The following AGBL2 variants were observed in gnomAD, a reference collection of about 807,000 sequenced individuals.
AGBL2 encodes the protein AGBL carboxypeptidase 2.
In AGBL2, 87 loss-of-function variants were observed where a neutral mutation model predicts 103.0. The ratio of observed to expected loss-of-function variants is 0.84; its 90% CI spans 0.71 to 1.01. The LOEUF is 1.01. AGBL2 is among the 50% of genes least tolerant of loss of function. The probability of loss-of-function intolerance (pLI) is 0.00; values close to 1 mark genes in which losing one functional copy is unlikely to be tolerated. For synonymous variants in AGBL2, 335 were observed against 356.7 expected (o/e 0.94, Z 0.69); for missense variants, 904 against 1,023.5 (o/e 0.88, Z 1.59).
chr11:47,684,214 A>G (rs926942853), intron 11 of AGBL2, among the ~76,000 whole-genome samples: 1 of 151,872 alleles, frequency 6.6e-6, no homozygotes, highest in Non-Finnish European at 1.5e-5. Context: ...CGGAGGTTGC[A>G]GTGAGTGGAG....
At chr11:47,709,380 CA>C (rs1241612915) in intron 4 of AGBL2, among the ~76,000 whole-genome samples, 2 of 88,676 alleles carry the variant, frequency 2.3e-5, no homozygotes, top group Non-Finnish European at 4.4e-5. Context: ...TGGGGATAAG[CA>C]GGGGGGGTTG....
intron 14 of AGBL2, among the ~76,000 whole-genome samples, chr11:47,676,311 A>C (rs1299461524): frequency 3.3e-5 from 5 of 152,208 alleles, no homozygotes; most frequent in Non-Finnish European, 7.4e-5. Flanking sequence ...TAATTTCAAA[A>C]TATATCTAGA....
At position 47,660,216 on chromosome 11, in the gene AGBL2, G is replaced by A. The variant is rs1246263429; in HGVS notation, c.2666C>T (p.Ala889Val). ...GTGCAAGGATGGGTATGCCGCCATG[G>A]CAGCACAGCCTCTCTTTGTGGCAGG... ...RYPATKRGCA[A>V]MAAYPSLHIY... is the part of the protein sequence containing the mutation. The change falls in exon 19 of 19, where the codon GCC becomes GTC. Residue 889 changes from alanine to valine, a missense_variant. Physicochemically the swap from Ala to Val is moderately conservative, Grantham distance 64. Transcript: ENST00000525123. 3 of 1,614,186 alleles carry A rather than the reference G, an allele frequency of 1.9e-6. No individual in the cohort carries two copies.
chr11:47,690,645 C>G lies in AGBL2; in HGVS notation c.1062G>C (p.Arg354Ser), dbSNP rs267602909. The change falls in exon 10 of 19, where the codon AGG (arginine) becomes AGC (serine). Residue 354 changes from arginine to serine, a missense_variant. By Grantham distance (110) the Arg-to-Ser change is moderately radical. Transcript: ENST00000525123. ...AGTACTTGATTTCATTTCCTTCTCT[C>G]CTCCAGCCAATATTGCGGGTGTTGG... The part of the protein sequence containing the change: ...LDANTRNIGW[R>S]REGNEIKYYK... 3 of 1,614,042 alleles carry G rather than the reference C, an allele frequency of 1.9e-6. No homozygotes were observed. In the African/African-American group the frequency reaches 4.0e-5, roughly 22 times the overall value.
chr11:47,682,289 C>A (rs1250039662), intron 11 of AGBL2, among the ~76,000 whole-genome samples, 194 bp from the exon 12 acceptor site: 1 of 150,328 alleles, frequency 6.7e-6, no homozygotes, highest in Non-Finnish European at 1.5e-5. Context: ...TCATGTTAGT[C>A]AGGGAGATGA....
chr11:47,687,593 C>G (rs1172128855), intron 10 of AGBL2, among the ~76,000 whole-genome samples: 1 of 151,430 alleles, frequency 6.6e-6, no homozygotes, highest in Admixed American at 6.6e-5. Flanking sequence ...CACTTATTCT[C>G]TCTCTCCTAC....
At chr11:47,686,983 T>C (rs377220173) in intron 10 of AGBL2, among the ~76,000 whole-genome samples, 3 of 26,514 alleles carry the variant, frequency 1.1e-4, no homozygotes, top group African/African-American at 4.5e-4. Flanking sequence ...AAAAAAATGG[T>C]GGGGGGAGGG....
At position 47,704,482 on chromosome 11, in the gene AGBL2, C is replaced by CAA. The variant is rs571226870; in HGVS notation, c.586+59_586+60dup. ...TGGGAAATAGAGTGAGACTTCGTCT[C>CAA]AAAAAAAAAAAAAAAAAAGTCAGGC... On this transcript the variant is annotated intron_variant, in intron 7 of 18. Transcript: ENST00000525123. The CAA allele has an allele frequency of 6.1e-3, 6,513 of 1,065,174 alleles. 1 individual carries two copies. The highest frequency in any genetic ancestry group is 6.6e-3 in the Non-Finnish European group (5,304 of 799,998). 66.0% of individuals were successfully genotyped at this position (1,065,174 alleles called of 1,614,324 possible).
At chr11:47,678,343 A>ATTTTATTATTATTTTTTTTT (rs2097385823) in intron 13 of AGBL2, among the ~76,000 whole-genome samples, 2 of 116,870 alleles carry the variant, frequency 1.7e-5, no homozygotes, top group Non-Finnish European at 3.8e-5. Context: ...TTATTATTTT[A>ATTTTATTATTATTTTTTTTT]TTTTTTTTGA....
chr11:47,690,371 G>A lies in AGBL2; in HGVS notation c.1336C>T (p.Pro446Ser), dbSNP rs141280164. 14 of 1,614,102 alleles carry A rather than the reference G, an allele frequency of 8.7e-6. No individual in the cohort carries two copies. Among genetic ancestry groups the A allele is most frequent in the Non-Finnish European group, 1.1e-5 (13 of 1,180,002 alleles). The change falls in exon 10 of 19, where the codon CCT (proline) becomes TCT (serine). Residue 446 changes from proline to serine, a missense_variant. Pro to Ser is a moderately conservative substitution (Grantham distance 74). Coordinates refer to ENST00000525123, the MANE Select transcript of AGBL2 (RefSeq NM_024783.4). ...GCTTTCTTTGCAGCTGCCTCTTGAG[G>A]GGTCTGGGATGGGTTGGTGATGGTG... ...LLTITNPSQTPQEAAAKKAVV... is the reference protein window; with the variant it reads ...LLTITNPSQTSQEAAAKKAVV...
intron 14 of AGBL2, among the ~76,000 whole-genome samples, chr11:47,670,773 C>G (rs1423041852): frequency 6.6e-6 from 1 of 151,692 alleles, no homozygotes; most frequent in Non-Finnish European, 1.5e-5. Flanking sequence ...GCTTAAAGAT[C>G]TCTTGAGCCC....
chr11:47,688,750 C>A lies in AGBL2; in HGVS notation c.1631+1326G>T, dbSNP rs556670136. 2.6e-5 allele frequency among the ~76,000 whole-genome samples: 4 copies of A among 152,246 alleles called. 1 individual carries two copies. Among genetic ancestry groups the A allele is most frequent in the Admixed American group, 2.6e-4 (4 of 15,270 alleles). Reference sequence around the variant, plus strand: ...AGTAAAAACAGGTCTCAAACTCAGGCCTGTCTGACTCTGAAACATATGCTC... The same window carrying A: ...AGTAAAAACAGGTCTCAAACTCAGGACTGTCTGACTCTGAAACATATGCTC... On this transcript the variant is annotated intron_variant, in intron 10 of 18. Transcript: ENST00000525123.
intron 11 of AGBL2, among the ~76,000 whole-genome samples, chr11:47,683,469 G>A (rs2097410424): frequency 6.6e-6 from 1 of 151,862 alleles, no homozygotes; most frequent in African/African-American, 2.4e-5. Flanking sequence ...ATATCTTTAT[G>A]GGAAAAAGTC....
rs1598896236 is a variant in AGBL2, at chr11:47,666,946, A to G, written c.2448+10T>C. 5.7e-6 allele frequency: 9 copies of G among 1,576,868 alleles called. No individual in the cohort carries two copies. In the East Asian group the frequency reaches 2.0e-4, roughly 35 times the overall value. On this transcript the variant is annotated intron_variant, in intron 17 of 18. Coordinates refer to ENST00000525123, the MANE Select transcript of AGBL2 (RefSeq NM_024783.4). Reference sequence around the variant, plus strand: ...TCTGTGTGACAAAGAGTCAAAAACAAAAATACTACCTCATTTAACCTTGGG... The same window carrying G: ...TCTGTGTGACAAAGAGTCAAAAACAGAAATACTACCTCATTTAACCTTGGG...
At chr11:47,674,011 A>C (rs558468236) in intron 14 of AGBL2, among the ~76,000 whole-genome samples, 7 of 146,628 alleles carry the variant, frequency 4.8e-5, no homozygotes, top group Non-Finnish European at 1.1e-4. Flanking sequence ...AGAATAGCTT[A>C]AACCTGGGAG....
At chr11:47,665,502 G>T (rs1250880247) in intron 17 of AGBL2, among the ~76,000 whole-genome samples, 1 of 151,938 alleles carries the variant, frequency 6.6e-6, no homozygotes, top group African/African-American at 2.4e-5. Context: ...GGCCACCCAG[G>T]CTGGAGTACA....
chr11:47,686,166 CT>C, intron 10 of AGBL2, 117 bp from the exon 11 acceptor site: 2 of 1,085,838 alleles, frequency 1.8e-6, no homozygotes, highest in Non-Finnish European at 2.7e-6. Flanking sequence ...CTAAGAAAAT[CT>C]CAACTCCATT....
chr11:47,710,572 G>T, intron 3 of AGBL2, 61 bp from the exon 4 acceptor site: 1 of 1,593,206 alleles, frequency 6.3e-7, no homozygotes. Context: ...CTAACATCTA[G>T]GTCAATACCA....
chr11:47,707,432 G>A (rs11039350), intron 4 of AGBL2, among the ~76,000 whole-genome samples: 1 of 152,180 alleles, frequency 6.6e-6, no homozygotes, highest in Admixed American at 6.6e-5. Flanking sequence ...GGAGGAGCAA[G>A]TCATGTCTTA....
Sources: gnomAD v4.1 joint callset for allele counts (sites outside exome capture counted in the v4.1 genomes callset) on GRCh38, gnomAD v4.1.1 for gene constraint, MANE v1.5 for transcripts, NCBI Gene and HGNC (gene_info 2026-07-23, HGNC 2026-07-21) for gene names.